Variants in GRID2 observed in about 807,000 individuals in gnomAD.
GRID2 encodes glutamate receptor ionotropic, delta-2.
GRID2 carries 33 observed loss-of-function variants against 114.8 expected under a neutral mutation model. That is an observed-to-expected ratio of 0.29 (90% CI 0.22 to 0.38). The LOEUF is 0.38. Ranked by LOEUF, GRID2 falls within the 10% of genes least tolerant of loss-of-function variation. The pLI is 1.00. For missense variants in GRID2, 1,184 were observed against 1,257.7 expected (o/e 0.94, Z 0.89); for synonymous variants, 505 against 449.9 (o/e 1.12, Z -1.55).
intron 2 of GRID2, among the ~76,000 whole-genome samples, chr4:92,782,286 T>C (rs1739119051): frequency 6.6e-6 from 1 of 152,080 alleles, no homozygotes; most frequent in African/African-American, 2.4e-5. Context: ...ATTGTATCAT[T>C]AATATAATAC....
chr4:93,353,949 C>T (rs1245294473), intron 8 of GRID2, among the ~76,000 whole-genome samples: 2 of 151,826 alleles, frequency 1.3e-5, no homozygotes, highest in African/African-American at 2.4e-5. Flanking sequence ...ATTGTGAGGA[C>T]TTGAAATTGA....
chr4:92,974,888 C>T (rs901024995), intron 2 of GRID2, among the ~76,000 whole-genome samples: 7 of 151,682 alleles, frequency 4.6e-5, no homozygotes, highest in Middle Eastern at 3.4e-3. Flanking sequence ...CCGGGAGCGG[C>T]GGCTCACGCC....
intron 8 of GRID2, among the ~76,000 whole-genome samples, chr4:93,274,810 A>C (rs1218405057): frequency 1.3e-5 from 2 of 152,082 alleles, no homozygotes; most frequent in Non-Finnish European, 2.9e-5. Context: ...TACGTGTCAC[A>C]AAGTCTAGTC....
intron 8 of GRID2, among the ~76,000 whole-genome samples, chr4:93,360,365 A>T (rs1761774353): frequency 6.6e-6 from 1 of 151,702 alleles, no homozygotes; most frequent in Non-Finnish European, 1.5e-5. Context: ...TAGTTCATTT[A>T]TTTTAATTTT....
chr4:93,547,387 C>G (rs573982856), intron 13 of GRID2, among the ~76,000 whole-genome samples: 1 of 152,182 alleles, frequency 6.6e-6, no homozygotes, highest in East Asian at 1.9e-4. Flanking sequence ...TACATTTAAT[C>G]CAGTAAATTT....
At chr4:92,650,993 T>G (rs1055219275) in intron 2 of GRID2, among the ~76,000 whole-genome samples, 1 of 152,034 alleles carries the variant, frequency 6.6e-6, no homozygotes, top group Admixed American at 6.6e-5. Context: ...GGAAACATAG[T>G]TGTACCAGTG....
intron 2 of GRID2, among the ~76,000 whole-genome samples, chr4:92,981,226 C>A (rs529697504): frequency 6.6e-6 from 1 of 151,850 alleles, no homozygotes; most frequent in Non-Finnish European, 1.5e-5. Flanking sequence ...TGTGTGCATA[C>A]GTCTTAAGAT....
intron 2 of GRID2, among the ~76,000 whole-genome samples, chr4:92,956,246 G>A (rs1001219956): frequency 6.6e-6 from 1 of 152,082 alleles, no homozygotes; most frequent in Non-Finnish European, 1.5e-5. Flanking sequence ...TTACCAACCC[G>A]GGTTCACAGT....
intron 1 of GRID2, among the ~76,000 whole-genome samples, chr4:92,343,658 C>G (rs1727624635): frequency 6.6e-6 from 1 of 152,130 alleles, no homozygotes; most frequent in East Asian, 1.9e-4. Context: ...ACTGGAACCT[C>G]TGCCTCCGAG....
At chr4:92,899,716 A>G (rs922059947) in intron 2 of GRID2, among the ~76,000 whole-genome samples, 8 of 152,342 alleles carry the variant, frequency 5.3e-5, no homozygotes, top group South Asian at 2.1e-4. Flanking sequence ...CCATCAATAA[A>G]CAATATTTGC....
chr4:93,240,769 A>T (rs7685340), intron 8 of GRID2, among the ~76,000 whole-genome samples: 92,289 of 148,034 alleles, frequency 0.62, 28,813 homozygotes, highest in Middle Eastern at 0.76. Context: ...TTTTTTTTTT[A>T]TATATATACG....
At chr4:92,528,283 T>C (rs1725141676) in intron 1 of GRID2, among the ~76,000 whole-genome samples, 2 of 147,250 alleles carry the variant, frequency 1.4e-5, no homozygotes, top group Non-Finnish European at 3.0e-5. Context: ...TGAATATATA[T>C]ATATATATAT....
intron 2 of GRID2, among the ~76,000 whole-genome samples, chr4:92,846,374 A>G (rs1316289675): frequency 1.3e-5 from 2 of 151,886 alleles, no homozygotes; most frequent in Non-Finnish European, 2.9e-5. Context: ...CTTTATGTCT[A>G]TGTGTACCCA....
At chr4:93,265,568 T>C (rs577491745) in intron 8 of GRID2, among the ~76,000 whole-genome samples, 15 of 152,320 alleles carry the variant, frequency 9.8e-5, no homozygotes, top group Middle Eastern at 3.4e-3. Context: ...TTAGGGCATA[T>C]TTCTGGTCAG....
At position 93,600,593 on chromosome 4, in the gene GRID2, A is replaced by T. The variant is rs144197248; in HGVS notation, c.2194-25676A>T. Among the ~76,000 whole-genome samples, 612 of 152,298 alleles carry T rather than the reference A, an allele frequency of 4.0e-3. 4 individuals are homozygous for T. The highest frequency in any genetic ancestry group is 0.014 in the African/African-American group (568 of 41,564). ...CAAATATTGGCAAAAATGTGGAGTG[A>T]CTAGAACTTACATATATTGATGATG... On this transcript the variant is annotated intron_variant, in intron 13 of 15. Transcript: ENST00000282020.
intron 2 of GRID2, among the ~76,000 whole-genome samples, chr4:92,932,754 G>A (rs1007277358): frequency 3.3e-5 from 5 of 151,160 alleles, no homozygotes; most frequent in African/African-American, 1.2e-4. Flanking sequence ...ACGAATGCAG[G>A]CAAAATGTGG....
chr4:92,707,281 G>A (rs1002340484), intron 2 of GRID2, among the ~76,000 whole-genome samples: 24 of 152,060 alleles, frequency 1.6e-4, no homozygotes, highest in African/African-American at 5.6e-4. Context: ...GTATCCAAAC[G>A]GTGGGCACAT....
At chr4:92,996,895 T>C (rs1261273401) in intron 2 of GRID2, among the ~76,000 whole-genome samples, 1 of 152,134 alleles carries the variant, frequency 6.6e-6, no homozygotes, top group Non-Finnish European at 1.5e-5. Flanking sequence ...TCTTACCAGA[T>C]AGACAGTTAG....
At chr4:93,279,278 C>G (rs930639828) in intron 8 of GRID2, among the ~76,000 whole-genome samples, 1 of 151,570 alleles carries the variant, frequency 6.6e-6, no homozygotes, top group Admixed American at 6.6e-5. Flanking sequence ...TTGTATATTA[C>G]TTCACTTAGG....
Sources: allele counts gnomAD v4.1 joint callset (sites outside exome capture counted in the v4.1 genomes callset), GRCh38; gene constraint gnomAD v4.1.1; transcripts MANE v1.5; gene names NCBI Gene and HGNC (gene_info 2026-07-23, HGNC 2026-07-21).